NSD1: variants seen among roughly 807,000 people sequenced by gnomAD.
NSD1 encodes the protein histone-lysine N-methyltransferase, H3 lysine-36 specific.
In NSD1, 26 loss-of-function variants were observed where a neutral mutation model predicts 242.7. The ratio of observed to expected loss-of-function variants is 0.11; its 90% CI spans 0.08 to 0.15. NSD1 has a LOEUF of 0.15. Ranked by LOEUF, NSD1 falls within the 10% of genes least tolerant of loss-of-function variation. NSD1 has a pLI of 1.00. For missense variants in NSD1, 2,495 were observed against 3,272.8 expected, an observed-to-expected ratio of 0.76 and a Z score of 5.80; for synonymous variants, 1,106 against 1,178.1, an observed-to-expected ratio of 0.94 and a Z score of 1.25.
At chr5:177,288,742 TGG>T (rs1759541363) in intron 20 of NSD1, 75 bp from the exon 21 acceptor site, 1 of 1,006,602 alleles carries the variant, frequency 9.9e-7, no homozygotes, top group South Asian at 1.3e-5. Flanking sequence ...TCTTGGGAGT[TGG>T]TATCCTTTGT....
At position 177,252,539 on chromosome 5, in the gene NSD1, C is replaced by CTTTTTT. The variant is rs70991600; in HGVS notation, c.4765+711_4765+716dup. On this transcript the variant is annotated intron_variant, in intron 12 of 22. Coordinates refer to ENST00000439151, the MANE Select transcript of NSD1 (RefSeq NM_022455.5). ...TAAAGCTGCGCTAAAGTAAAGTGTT[C>CTTTTTT]TTTTTTTTTTTTTTTTTTTTTTTTT... 1.1e-3 allele frequency among the ~76,000 whole-genome samples: 52 copies of CTTTTTT among 47,424 alleles called. 7 individuals are homozygous for CTTTTTT. Among genetic ancestry groups the CTTTTTT allele is most frequent in the African/African-American group, 2.8e-3 (41 of 14,636 alleles). 31.1% of individuals were successfully genotyped at this position (47,424 alleles called of 152,430 possible).
intron 2 of NSD1, among the ~76,000 whole-genome samples, chr5:177,147,647 T>TGGCATGATCTTGGCTCACTGCAAC (rs1757364502): frequency 6.6e-6 from 1 of 151,854 alleles, no homozygotes; most frequent in African/African-American, 2.4e-5. Flanking sequence ...TGGAGTGCAA[T>TGGCATGATCTTGGCTCACTGCAAC]GGCATGATCT....
intron 5 of NSD1, among the ~76,000 whole-genome samples, chr5:177,218,581 T>C (rs1332259400): frequency 6.6e-6 from 1 of 151,950 alleles, no homozygotes; most frequent in Non-Finnish European, 1.5e-5. Context: ...CTTTTTTTTT[T>C]TTTTGAGACG....
chr5:177,251,968 T>C (rs190309766), intron 12 of NSD1, 115 bp downstream of exon 12: 1 of 1,305,530 alleles, frequency 7.7e-7, no homozygotes, highest in Non-Finnish European at 1.1e-6. Flanking sequence ...TTGTTACAGA[T>C]ATAGAAATGG....
At chr5:177,215,986 G>C (rs1163907816) in intron 5 of NSD1, among the ~76,000 whole-genome samples, 2 of 151,984 alleles carry the variant, frequency 1.3e-5, no homozygotes, top group Non-Finnish European at 2.9e-5. Flanking sequence ...TCAGCATCCT[G>C]AGTAGCTGGG....
intron 14 of NSD1, among the ~76,000 whole-genome samples, chr5:177,261,668 G>T (rs1383760662): frequency 2.0e-5 from 3 of 152,078 alleles, no homozygotes; most frequent in African/African-American, 4.8e-5. Context: ...AAAGGTAAAT[G>T]ATACTTTTCT....
At chr5:177,234,312 T>G (rs1765278994) in intron 5 of NSD1, among the ~76,000 whole-genome samples, 1 of 152,230 alleles carries the variant, frequency 6.6e-6, no homozygotes, top group Non-Finnish European at 1.5e-5. Context: ...ACATTAACAC[T>G]GCAGAAAAAG....
Position 177,134,555 on chromosome 5 carries a change from C to G in NSD1, c.-17-532C>G, listed in dbSNP as rs970880641. Reference sequence around the variant, plus strand: ...GGCGAGCTCTGGGGTGCAGCCGCCTCGGCCGGCTCGCCTGCGGCCTGCGCA... The same window carrying G: ...GGCGAGCTCTGGGGTGCAGCCGCCTGGGCCGGCTCGCCTGCGGCCTGCGCA... On this transcript the variant is annotated intron_variant, in intron 1 of 22. Transcript: ENST00000439151. The surrounding 1 kb of genome is among the most constrained non-coding windows in gnomAD (Gnocchi z 4.2). 2.6e-4 allele frequency among the ~76,000 whole-genome samples: 39 copies of G among 152,332 alleles called. No homozygotes were observed. The highest frequency in any genetic ancestry group is 8.9e-4 in the African/African-American group (37 of 41,582).
chr5:177,218,900 C>A (rs747857546), intron 5 of NSD1, among the ~76,000 whole-genome samples: 1 of 151,032 alleles, frequency 6.6e-6, no homozygotes, highest in Non-Finnish European at 1.5e-5. Flanking sequence ...CTGGCCCTAA[C>A]GGGAGCCGTA....
chr5:177,185,439 A>G (rs1008816487), intron 2 of NSD1, among the ~76,000 whole-genome samples: 12 of 151,416 alleles, frequency 7.9e-5, no homozygotes, highest in African/African-American at 2.9e-4. Context: ...CTCTCCTAAA[A>G]ATACAAAAAT....
intron 2 of NSD1, among the ~76,000 whole-genome samples, chr5:177,173,893 T>G (rs1759945792): frequency 6.6e-6 from 1 of 152,234 alleles, no homozygotes; most frequent in African/African-American, 2.4e-5. Context: ...TGCCAAAATA[T>G]TATTTCATAA....
rs115371633 is a variant in NSD1, at chr5:177,136,398, T to C, written c.927+368T>C. On this transcript the variant is annotated intron_variant, in intron 2 of 22. Coordinates refer to ENST00000439151, the MANE Select transcript of NSD1 (RefSeq NM_022455.5). ...AGTGCAGGTGAACCAATTTAGTACT[T>C]GGAGTCCTGTTGCTATATGTGGCAG... 384 of 198,444 alleles carry C rather than the reference T, an allele frequency of 1.9e-3. 2 individuals are homozygous for C. Among genetic ancestry groups the C allele is most frequent in the African/African-American group, 8.6e-3 (367 of 42,584 alleles). 12.3% of individuals were successfully genotyped at this position (198,444 alleles called of 1,614,324 possible).
intron 2 of NSD1, among the ~76,000 whole-genome samples, chr5:177,154,309 T>C (rs905157172): frequency 1.3e-5 from 2 of 152,122 alleles, no homozygotes; most frequent in African/African-American, 4.8e-5. Context: ...CACAAAGGCA[T>C]GAATACCATC....
chr5:177,210,953 A>C lies in NSD1; in HGVS notation c.2554A>C (p.Ile852Leu), dbSNP rs1763290029. Residue 852 changes from isoleucine to leucine, a missense_variant, in exon 5 of 23, where the codon ATA (isoleucine) becomes CTA (leucine). Around this residue, in one of 19 missense-constraint regions of NSD1, gnomAD observed 121 missense variants for 167.2 expected, o/e 0.72. Transcript: ENST00000439151. ...MHEKTRDSSD[I>L]ETAVVKHVLS... The stretch of plus-strand genomic sequence containing the variant: ...TGAGAAAACCAGGGATTCAAGTGAC[A>C]TAGAAACAGCAGTGGTGAAACATGT... 3.7e-6 allele frequency: 6 copies of C among 1,614,204 alleles called. No homozygotes were observed. The East Asian group carries it at 1.3e-4, about 36-fold the overall frequency.
Position 177,298,451 on chromosome 5 carries a change from C to A in NSD1, c.*2992C>A, listed in dbSNP as rs1760386011. On this transcript the variant is annotated 3_prime_UTR_variant, in exon 23 of 23. Transcript: ENST00000439151. Reference sequence around the variant, plus strand: ...TATGAAAAATGTTGAAATTTACATTCAAAGCCTCATTTGCTTATCTTGCTG... The same window carrying A: ...TATGAAAAATGTTGAAATTTACATTAAAAGCCTCATTTGCTTATCTTGCTG... 8.6e-6 allele frequency: 2 copies of A among 233,216 alleles called. No homozygotes were observed. The highest frequency in any genetic ancestry group is 2.5e-3 in the Middle Eastern group (2 of 786). The allele number at this position is 233,216 out of a possible 1,614,324, so 14.4% of individuals were successfully genotyped here.
intron 3 of NSD1, among the ~76,000 whole-genome samples, 154 bp from the exon 4 acceptor site, chr5:177,203,966 T>A (rs1215571065): frequency 6.6e-6 from 1 of 152,240 alleles, no homozygotes; most frequent in African/African-American, 2.4e-5. Context: ...CTTAAAATTT[T>A]CCTTGTGTAT....
intron 3 of NSD1, among the ~76,000 whole-genome samples, chr5:177,196,923 A>G (rs1376638769): frequency 2.6e-5 from 4 of 152,206 alleles, no homozygotes; most frequent in African/African-American, 9.6e-5. Context: ...AATCCCATAT[A>G]TATAATGTTT....
chr5:177,194,139 A>T (rs1360494144), intron 3 of NSD1, among the ~76,000 whole-genome samples: 1 of 152,136 alleles, frequency 6.6e-6, no homozygotes, highest in Non-Finnish European at 1.5e-5. Flanking sequence ...TATTTACATG[A>T]GTAAATACAT....
intron 13 of NSD1, among the ~76,000 whole-genome samples, chr5:177,258,566 A>G (rs1225209788): frequency 2.0e-5 from 3 of 149,054 alleles, no homozygotes; most frequent in Non-Finnish European, 4.5e-5. Flanking sequence ...ATGGAGTTTC[A>G]CTTTTGTTGC....
Sources: gnomAD v4.1 joint callset for allele counts (sites outside exome capture counted in the v4.1 genomes callset) on GRCh38, gnomAD v4.1.1 for gene constraint, gnomAD v4.1.1 regional missense constraint, Gnocchi (gnomAD v3.1) non-coding constraint, MANE v1.5 for transcripts, NCBI Gene and HGNC (gene_info 2026-07-23, HGNC 2026-07-21) for gene names.